The following DMRT1 variants were observed in gnomAD, a reference collection of about 807,000 sequenced individuals.
The protein encoded by DMRT1 is doublesex- and mab-3-related transcription factor 1.
DMRT1 carries 7 observed loss-of-function variants against 32.3 expected under a neutral mutation model. The ratio of observed to expected loss-of-function variants is 0.22; its 90% CI spans 0.12 to 0.41. The LOEUF (loss-of-function observed/expected upper bound fraction) is 0.41, where lower values mean the gene tolerates loss of function less well. Ranked by LOEUF, DMRT1 falls within the 10% of genes least tolerant of loss-of-function variation. DMRT1 has a pLI of 1.00. For synonymous variants in DMRT1, 278 were observed against 206.1 expected (o/e 1.35, Z -2.99); for missense variants, 625 against 500.5 (o/e 1.25, Z -2.37).
intron 2 of DMRT1, among the ~76,000 whole-genome samples, chr9:861,580 A>C (rs1815675354): frequency 6.6e-6 from 1 of 151,920 alleles, no homozygotes; most frequent in Admixed American, 6.6e-5. Flanking sequence ...TGTTGGGTAC[A>C]CCTCCCAGAC....
chr9:914,341 G>C (rs935179520), intron 3 of DMRT1, among the ~76,000 whole-genome samples: 2 of 151,988 alleles, frequency 1.3e-5, no homozygotes, highest in African/African-American at 4.8e-5. Flanking sequence ...TTGGGAGGCC[G>C]AGGCGGGCAG....
intron 2 of DMRT1, among the ~76,000 whole-genome samples, chr9:878,646 C>G (rs1337393384): frequency 1.3e-5 from 2 of 152,078 alleles, no homozygotes; most frequent in Admixed American, 6.5e-5. Flanking sequence ...CTGCAGTACC[C>G]TAATGATGAG....
intron 2 of DMRT1, among the ~76,000 whole-genome samples, chr9:882,394 C>G (rs957183353): frequency 2.0e-5 from 3 of 152,192 alleles, no homozygotes; most frequent in African/African-American, 4.8e-5. Context: ...TGTGTCTCCT[C>G]TCTTTCCTTG....
At chr9:882,741 G>A (rs959214076) in intron 2 of DMRT1, among the ~76,000 whole-genome samples, 9 of 147,574 alleles carry the variant, frequency 6.1e-5, no homozygotes, top group Non-Finnish European at 1.0e-4. Flanking sequence ...GCTCAGTGGC[G>A]CCCCCGTCTC....
chr9:858,684 A>G (rs1276132076), intron 2 of DMRT1, among the ~76,000 whole-genome samples: 1 of 151,554 alleles, frequency 6.6e-6, no homozygotes, highest in African/African-American at 2.4e-5. Flanking sequence ...GACCAGCCTG[A>G]CCAACATGGC....
At chr9:846,901 T>C in intron 1 of DMRT1, 59 bp from the exon 2 acceptor site, 1 of 1,603,576 alleles carries the variant, frequency 6.2e-7, no homozygotes, top group Non-Finnish European at 8.5e-7. Flanking sequence ...GGGGCTTCTG[T>C]GTTTTGGCAA....
In DMRT1 at chr9:967,863, G is replaced by C. The variant is rs1819980706; in HGVS notation, c.968-122G>C. ...ATAAAAACACTTTCAACTCAGAATA[G>C]AAATGGAGAGCGTCACTTTCTTTGT... On this transcript the variant is annotated intron_variant, in intron 4 of 4. Transcript: ENST00000382276. The C allele has an allele frequency of 4.3e-6, 4 of 933,984 alleles. No homozygotes were observed. The South Asian group carries it at 5.6e-5, about 13-fold the overall frequency. The allele number at this position is 933,984 out of a possible 1,614,324, so 57.9% of individuals were successfully genotyped here.
At chr9:924,291 C>T (rs1039637212) in intron 4 of DMRT1, among the ~76,000 whole-genome samples, 2 of 152,086 alleles carry the variant, frequency 1.3e-5, no homozygotes, top group Admixed American at 6.6e-5. Context: ...AGGCTGGTCT[C>T]GAACTCCTGA....
chr9:855,057 A>G (rs888622575), intron 2 of DMRT1, among the ~76,000 whole-genome samples: 4 of 151,812 alleles, frequency 2.6e-5, no homozygotes, highest in African/African-American at 4.8e-5. Flanking sequence ...GTGAGCCACC[A>G]TGCCCGGCCA....
chr9:931,656 C>G (rs980363869), intron 4 of DMRT1, among the ~76,000 whole-genome samples: 3 of 152,168 alleles, frequency 2.0e-5, no homozygotes, highest in African/African-American at 7.2e-5. Context: ...GGCTTTTCCT[C>G]TTTGTGTGTG....
At chr9:874,589 A>G (rs1336265368) in intron 2 of DMRT1, among the ~76,000 whole-genome samples, 1 of 152,116 alleles carries the variant, frequency 6.6e-6, no homozygotes, top group African/African-American at 2.4e-5. Context: ...CTAGTTAGAA[A>G]AAGGGCCATG....
chr9:951,118 T>G (rs1020436668), intron 4 of DMRT1, among the ~76,000 whole-genome samples: 14 of 152,154 alleles, frequency 9.2e-5, no homozygotes, highest in Non-Finnish European at 1.9e-4. Context: ...TTATTAAAAT[T>G]TCTGACAAAT....
intron 2 of DMRT1, among the ~76,000 whole-genome samples, chr9:886,817 G>C (rs1041055547): frequency 1.3e-5 from 2 of 152,194 alleles, no homozygotes; most frequent in Non-Finnish European, 2.9e-5. Context: ...CCCCAGTGTT[G>C]AAGCAAATAT....
chr9:860,210 T>C (rs1196771024), intron 2 of DMRT1, among the ~76,000 whole-genome samples: 1 of 152,120 alleles, frequency 6.6e-6, no homozygotes, highest in African/African-American at 2.4e-5. Flanking sequence ...GGCAGGAGAA[T>C]GGCTTGAACC....
At chr9:857,245 T>C (rs1815435956) in intron 2 of DMRT1, among the ~76,000 whole-genome samples, 1 of 152,104 alleles carries the variant, frequency 6.6e-6, no homozygotes, top group Admixed American at 6.6e-5. Context: ...ACGTGGAGGT[T>C]GCAGGGAGCT....
chr9:909,295 A>G (rs1443446179), intron 3 of DMRT1, among the ~76,000 whole-genome samples: 1 of 152,200 alleles, frequency 6.6e-6, no homozygotes, highest in Non-Finnish European at 1.5e-5. Context: ...CATAATAGCA[A>G]TCATTTTAGC....
chr9:855,741 C>G (rs769068834), intron 2 of DMRT1, among the ~76,000 whole-genome samples: 3 of 152,190 alleles, frequency 2.0e-5, no homozygotes, highest in Non-Finnish European at 4.4e-5. Flanking sequence ...ACTTCAGTCC[C>G]CAAGTACCTT....
chr9:873,310 ATT>A (rs111862526), intron 2 of DMRT1, among the ~76,000 whole-genome samples: 1 of 144,318 alleles, frequency 6.9e-6, no homozygotes, highest in African/African-American at 2.6e-5. Context: ...TTCTATAAGC[ATT>A]TTTTTTTTTT....
chr9:870,592 T>C (rs1166809562), intron 2 of DMRT1, among the ~76,000 whole-genome samples: 2 of 152,128 alleles, frequency 1.3e-5, no homozygotes, highest in Non-Finnish European at 2.9e-5. Context: ...TCTGATACTT[T>C]TTTAGTCTGT....
Sources: gnomAD v4.1 joint callset for allele counts (sites outside exome capture counted in the v4.1 genomes callset) on GRCh38, gnomAD v4.1.1 for gene constraint, MANE v1.5 for transcripts, NCBI Gene and HGNC (gene_info 2026-07-23, HGNC 2026-07-21) for gene names.